The following KCTD9 variants were observed in gnomAD, a reference collection of about 807,000 sequenced individuals.
The protein encoded by KCTD9 is BTB/POZ domain-containing protein KCTD9.
In KCTD9, 17 loss-of-function variants were observed where a neutral mutation model predicts 53.3. That is an observed-to-expected ratio of 0.32 (90% CI 0.22 to 0.48). The LOEUF (loss-of-function observed/expected upper bound fraction) is 0.48. Among genes scored for constraint, KCTD9 ranks in the 20% least tolerant of loss-of-function variants. KCTD9 has a pLI of 0.99. For missense variants in KCTD9, 179 were observed against 465.5 expected (o/e 0.38, Z 5.66); for synonymous variants, 128 against 162.7 (o/e 0.79, Z 1.62).
At chr8:25,443,856 G>A (rs993947211) in intron 3 of KCTD9, among the ~76,000 whole-genome samples, 1 of 152,114 alleles carries the variant, frequency 6.6e-6, no homozygotes, top group South Asian at 2.1e-4. Flanking sequence ...CTGTGTGTGT[G>A]GTTGATACCA....
intron 1 of KCTD9, among the ~76,000 whole-genome samples, chr8:25,456,592 ATTTGAGATGCATT>A (rs923101855): frequency 3.3e-5 from 5 of 152,124 alleles, no homozygotes; most frequent in Non-Finnish European, 7.3e-5. Context: ...ATATTTAATT[ATTTGAGATGCATT>A]TTCCCCAATC....
intron 5 of KCTD9, 71 bp from the exon 6 acceptor site, chr8:25,439,478 A>G: frequency 6.4e-7 from 1 of 1,565,110 alleles, no homozygotes; most frequent in Non-Finnish European, 8.7e-7. Context: ...TGAGGAAAAA[A>G]TTGCTAAATA....
intron 3 of KCTD9, among the ~76,000 whole-genome samples, chr8:25,443,467 A>G (rs1802159255): frequency 7.9e-6 from 1 of 125,950 alleles, no homozygotes; most frequent in African/African-American, 3.3e-5. Flanking sequence ...TGAGTTAATA[A>G]CAATAAAAAA....
At chr8:25,440,487 A>G in intron 4 of KCTD9, 90 bp downstream of exon 4, 1 of 864,982 alleles carries the variant, frequency 1.2e-6, no homozygotes, top group Non-Finnish European at 2.0e-6. Flanking sequence ...GCATTTGAGT[A>G]TCTTTTAAGG....
Position 25,433,298 on chromosome 8 carries a change from C to T in KCTD9, c.919+32G>A, listed in dbSNP as rs555233882. Reference sequence around the variant, plus strand: ...TTTTTCCTTTACAGTCTGCTTCCTTCGTAGAATAGGTATTTACAGAAAGGA... The same window carrying T: ...TTTTTCCTTTACAGTCTGCTTCCTTTGTAGAATAGGTATTTACAGAAAGGA... On this transcript the variant is annotated intron_variant, in intron 10 of 11. Transcript: ENST00000221200. 1.5e-5 allele frequency: 19 copies of T among 1,232,854 alleles called. No homozygotes were observed. The Admixed American group carries it at 1.7e-4, about 11-fold the overall frequency. 76.4% of individuals were successfully genotyped at this position (1,232,854 alleles called of 1,614,324 possible).
rs59794332 is a variant in KCTD9, at chr8:25,440,059, GT to G, written c.312-396del. 2.7e-3 allele frequency among the ~76,000 whole-genome samples: 360 copies of G among 131,832 alleles called. 1 individual carries two copies. Among genetic ancestry groups the G allele is most frequent in the Admixed American group, 5.5e-3 (71 of 12,908 alleles). The allele number at this position is 131,832 out of a possible 152,430, so 86.5% of individuals were successfully genotyped here. ...TTATTACTCAATATCTAAAAAGCAT[GT>G]TTTTTTTTTTTTTTTTGAGAAGGAG... On this transcript the variant is annotated intron_variant, in intron 4 of 11. Transcript: ENST00000221200.
chr8:25,444,396 T>A, intron 2 of KCTD9, 61 bp from the exon 3 acceptor site: 2 of 1,466,572 alleles, frequency 1.4e-6, no homozygotes, highest in Non-Finnish European at 1.9e-6. Context: ...TAATTATCTG[T>A]TGCTTATAGG....
chr8:25,441,750 G>C (rs1802126932), intron 3 of KCTD9, among the ~76,000 whole-genome samples: 1 of 152,156 alleles, frequency 6.6e-6, no homozygotes. Flanking sequence ...ATAATCCTCT[G>C]GGAGGCCGAG....
At chr8:25,457,421 T>A (rs1802471532) in intron 1 of KCTD9, 6 of 974,182 alleles carry the variant, frequency 6.2e-6, no homozygotes, top group African/African-American at 1.8e-5. Context: ...GGCAAAAGGC[T>A]GGGAAGGAAG....
chr8:25,448,918 G>C (rs1340096248), intron 1 of KCTD9, among the ~76,000 whole-genome samples: 2 of 136,912 alleles, frequency 1.5e-5, no homozygotes, highest in African/African-American at 5.4e-5. Context: ...CCTTCTCCAA[G>C]AAAAAAAAAA....
At position 25,445,971 on chromosome 8, in the gene KCTD9, T is replaced by C. The variant is rs187189017; in HGVS notation, c.170+158A>G. On this transcript the variant is annotated intron_variant, in intron 2 of 11. Coordinates refer to ENST00000221200, the MANE Select transcript of KCTD9 (RefSeq NM_017634.4). Reference sequence around the variant, plus strand: ...GGTTTTCTAGCTGATCAATTCACCTTAAGCCCAAATGATTTAAATTCCAAA... The same window carrying C: ...GGTTTTCTAGCTGATCAATTCACCTCAAGCCCAAATGATTTAAATTCCAAA... 3.0e-3 allele frequency: 2,492 copies of C among 831,162 alleles called. 15 individuals carry two copies. Among genetic ancestry groups the C allele is most frequent in the Middle Eastern group, 6.4e-3 (17 of 2,644 alleles). The allele number at this position is 831,162 out of a possible 1,614,324, so 51.5% of individuals were successfully genotyped here.
chr8:25,434,060 G>A (rs1486748885), intron 9 of KCTD9, among the ~76,000 whole-genome samples: 1 of 152,168 alleles, frequency 6.6e-6, no homozygotes, highest in East Asian at 1.9e-4. Flanking sequence ...GCAGGGCAGA[G>A]AGTAAAATGG....
rs1802075443 is a variant in KCTD9 at position 25,439,321 on chromosome 8, G to A, written c.457C>T (p.Arg153Cys). 1.2e-6 allele frequency: 2 copies of A among 1,612,422 alleles called. No homozygotes were observed. Among genetic ancestry groups the A allele is most frequent in the Non-Finnish European group, 8.5e-7 (1 of 1,179,320 alleles). The change falls in exon 6 of 12, where the codon CGT becomes TGT. Residue 153 changes from arginine (R) to cysteine (C), a missense_variant. Coordinates refer to ENST00000221200, the MANE Select transcript of KCTD9 (RefSeq NM_017634.4). The part of the protein sequence containing the change: ...EYFEPILNYL[R>C]HGQLIVNDGI... ...TCATTTACAATGAGCTGTCCATGAC[G>A]CAAGTAGTTCAAAATGGGTTCGAAG...
intron 1 of KCTD9, among the ~76,000 whole-genome samples, chr8:25,448,435 C>T (rs1296867759): frequency 1.3e-5 from 2 of 152,048 alleles, no homozygotes; most frequent in Non-Finnish European, 1.5e-5. Context: ...GGGATGATGA[C>T]CAAGTACTGG....
At position 25,436,286 on chromosome 8, in the gene KCTD9, T is replaced by C. The variant is rs374895474; in HGVS notation, c.612A>G (p.Glu204=). The part of the protein sequence containing the change: ...PEDHSPISRK[E]FVRFLLATPT... ...GAGTTGCTAGCAAAAATCGGACAAA[T>C]TCCTTTCGGGATATTGGTGAATGAT... Residue 204 remains glutamate, a synonymous_variant, in exon 8 of 12, where the codon GAA becomes GAG. Transcript: ENST00000221200. 6.2e-7 allele frequency: 1 copy of C among 1,612,508 alleles called. No individual in the cohort carries two copies. Among genetic ancestry groups the C allele is most frequent in the East Asian group, 2.2e-5 (1 of 44,852 alleles).
intron 1 of KCTD9, among the ~76,000 whole-genome samples, chr8:25,456,432 T>A (rs542711456): frequency 6.6e-6 from 1 of 152,298 alleles, no homozygotes; most frequent in African/African-American, 2.4e-5. Flanking sequence ...ATAAGAATAA[T>A]TATAAATTTT....
chr8:25,458,137 T>G, intron 1 of KCTD9, 62 bp downstream of exon 1: 24 of 1,450,098 alleles, frequency 1.7e-5, no homozygotes, highest in East Asian at 7.4e-5. Context: ...CGCCAGCCGG[T>G]TCCGCACCGT....
chr8:25,457,370 G>A lies in KCTD9; in HGVS notation c.48+829C>T, dbSNP rs536542776. ...ACGCAATAAATGTCTGCCTCGAACA[G>A]TGAAAATTTCCCAAAGGAGCAGAAC... On this transcript the variant is annotated intron_variant, in intron 1 of 11. Coordinates refer to ENST00000221200, the MANE Select transcript of KCTD9 (RefSeq NM_017634.4). 12 of 985,176 alleles carry A rather than the reference G, an allele frequency of 1.2e-5. No individual in the cohort carries two copies. The East Asian group carries it at 9.1e-4, about 75-fold the overall frequency. The allele number at this position is 985,176 out of a possible 1,614,324, so 61.0% of individuals were successfully genotyped here.
Position 25,458,158 on chromosome 8 carries a change from C to T in KCTD9, c.48+41G>A, listed in dbSNP as rs536163418. The T allele has an allele frequency of 3.3e-6, 5 of 1,529,074 alleles. No individual in the cohort carries two copies. In the East Asian group the frequency reaches 1.2e-4, roughly 35 times the overall value. 94.7% of individuals were successfully genotyped at this position (1,529,074 alleles called of 1,614,324 possible). On this transcript the variant is annotated intron_variant, in intron 1 of 11. Transcript: ENST00000221200. ...CCGGTTCCGCACCGTCCGCCCTCGC[C>T]CCGACCCCCGGCCCGCCGCGCCCCC... is the stretch of plus-strand genomic sequence containing the variant.
Sources: gnomAD v4.1 joint callset for allele counts (sites outside exome capture counted in the v4.1 genomes callset) on GRCh38, gnomAD v4.1.1 for gene constraint, MANE v1.5 for transcripts, NCBI Gene and HGNC (gene_info 2026-07-23, HGNC 2026-07-21) for gene names.